Variants in AP3B1 observed in about 807,000 individuals in gnomAD.
AP3B1 encodes adaptor related protein complex 3 subunit beta 1.
AP3B1 carries 61 observed loss-of-function variants against 132.5 expected under a neutral mutation model. The ratio of observed to expected loss-of-function variants is 0.46; its 90% CI spans 0.37 to 0.57. The LOEUF is 0.57. AP3B1 is among the 20% of genes least tolerant of loss of function. The pLI is 0.00. For synonymous variants in AP3B1, 388 were observed against 438.3 expected (o/e 0.89, Z 1.43); for missense variants, 1,120 against 1,289.4 (o/e 0.87, Z 2.01).
At chr5:78,186,207 A>G (rs184997262) in intron 7 of AP3B1, among the ~76,000 whole-genome samples, 18 of 152,342 alleles carry the variant, frequency 1.2e-4, no homozygotes, top group African/African-American at 4.3e-4. Flanking sequence ...AAAAATACAT[A>G]GCATGCTAAT....
At chr5:78,254,145 G>A (rs376233129) in intron 2 of AP3B1, among the ~76,000 whole-genome samples, 2 of 151,628 alleles carry the variant, frequency 1.3e-5, no homozygotes, top group Non-Finnish European at 2.9e-5. Context: ...AGGCTCTTTG[G>A]AAATACACGG....
chr5:78,128,080 G>C lies in AP3B1; in HGVS notation c.1918C>G (p.Pro640Ala). 6.2e-7 allele frequency: 1 copy of C among 1,613,274 alleles called. No individual in the cohort carries two copies. The highest frequency in any genetic ancestry group is 8.5e-7 in the Non-Finnish European group (1 of 1,179,382). Residue 640 changes from proline to alanine, a missense_variant, in exon 17 of 27, where the codon CCA (proline) becomes GCA (alanine). Pro to Ala is a conservative substitution (Grantham distance 27). Around this residue, in one of 3 missense-constraint regions of AP3B1, gnomAD observed 906 missense variants for 997.1 expected, o/e 0.91. Transcript: ENST00000255194. ...ATGYLELSNW[P>A]EVAPDPSVRN... ...ACTGATGGGTCGGGCGCCACCTCTG[G>C]CCAATTAGATAATTCCAGGTACCCA... is the stretch of plus-strand genomic sequence containing the variant.
intron 22 of AP3B1, among the ~76,000 whole-genome samples, chr5:78,084,719 A>G (rs1368452208): frequency 1.3e-5 from 2 of 151,982 alleles, no homozygotes; most frequent in Non-Finnish European, 2.9e-5. Context: ...AAATATTTAA[A>G]AATATGCAGA....
Position 78,002,731 on chromosome 5 carries a change from G to C in AP3B1, c.*171C>G. 1.3e-6 allele frequency: 1 copy of C among 766,306 alleles called. No homozygotes were observed. 47.5% of individuals were successfully genotyped at this position (766,306 alleles called of 1,614,324 possible). ...GCAAAGCAAAAAGGGGGAAAGTATT[G>C]CATACATGATAGATACACACTAGCA... On this transcript the variant is annotated 3_prime_UTR_variant, in exon 27 of 27. Transcript: ENST00000255194.
At chr5:78,239,343 C>T (rs748470602) in intron 3 of AP3B1, among the ~76,000 whole-genome samples, 6 of 151,310 alleles carry the variant, frequency 4.0e-5, no homozygotes, top group Non-Finnish European at 7.4e-5. Flanking sequence ...TGGTGGCATG[C>T]ACCTGTAGTC....
chr5:78,115,129 T>G (rs891242364), intron 18 of AP3B1, among the ~76,000 whole-genome samples: 3 of 152,224 alleles, frequency 2.0e-5, no homozygotes, highest in African/African-American at 7.2e-5. Flanking sequence ...ATTTTAGATT[T>G]GTGGTAATAT....
At chr5:78,233,624 G>T (rs1051582217) in intron 3 of AP3B1, among the ~76,000 whole-genome samples, 4 of 152,164 alleles carry the variant, frequency 2.6e-5, no homozygotes, top group African/African-American at 2.4e-5. Flanking sequence ...AACTGCCTGC[G>T]ACAGCTTTTG....
In AP3B1 at chr5:78,085,237, G is replaced by A. The variant is rs75851436; in HGVS notation, c.2577+4156C>T. ...ATTGCATACCTCAGCAACAACAGAT[G>A]TTGGTTTTTGTAATTTTTGCTAATG... On this transcript the variant is annotated intron_variant, in intron 22 of 26. Transcript: ENST00000255194. 6.6e-3 allele frequency among the ~76,000 whole-genome samples: 1,011 copies of A among 152,284 alleles called. 10 individuals are homozygous for A. Among genetic ancestry groups the A allele is most frequent in the African/African-American group, 0.023 (954 of 41,562 alleles).
chr5:78,284,544 G>T (rs1749191617), intron 1 of AP3B1, among the ~76,000 whole-genome samples: 1 of 152,050 alleles, frequency 6.6e-6, no homozygotes, highest in Non-Finnish European at 1.5e-5. Context: ...AAATGAGCAG[G>T]CTCCATGCAT....
chr5:78,035,797 G>C (rs1437434498), intron 23 of AP3B1, among the ~76,000 whole-genome samples: 2 of 152,014 alleles, frequency 1.3e-5, no homozygotes, highest in African/African-American at 2.4e-5. Flanking sequence ...TAGAAGACTT[G>C]CTCCCTAAAT....
Position 78,267,543 on chromosome 5 carries a change from C to T in AP3B1, c.181G>A (p.Asp61Asn). 2 of 1,611,272 alleles carry T rather than the reference C, an allele frequency of 1.2e-6. No individual in the cohort carries two copies. Among genetic ancestry groups the T allele is most frequent in the Non-Finnish European group, 1.7e-6 (2 of 1,178,386 alleles). ...LESNKDSAKL[D>N]AMKRIVGMIA... Reference sequence around the variant, plus strand: ...ACCCCAACAATCCGCTTCATAGCATCCAGTTTAGCAGAATCTTTGTTGCTC... The same window carrying T: ...ACCCCAACAATCCGCTTCATAGCATTCAGTTTAGCAGAATCTTTGTTGCTC... The change falls in exon 2 of 27, where the codon GAT becomes AAT. Residue 61 changes from aspartate to asparagine, a missense_variant. By Grantham distance (23) the Asp-to-Asn change is conservative. Around this residue, in one of 3 missense-constraint regions of AP3B1, gnomAD observed 85 missense variants for 79.9 expected, o/e 1.06. Coordinates refer to ENST00000255194, the MANE Select transcript of AP3B1 (RefSeq NM_003664.5).
intron 15 of AP3B1, among the ~76,000 whole-genome samples, chr5:78,139,500 GAT>G (rs2112323396): frequency 6.6e-6 from 1 of 152,292 alleles, no homozygotes; most frequent in South Asian, 2.1e-4. Flanking sequence ...TCCTTTTAAA[GAT>G]GACTTAAAAT....
rs1309003047 is a variant in AP3B1, at chr5:78,002,547, A to T, written c.*355T>A. On this transcript the variant is annotated 3_prime_UTR_variant, in exon 27 of 27. Coordinates refer to ENST00000255194, the MANE Select transcript of AP3B1 (RefSeq NM_003664.5). Reference sequence around the variant, plus strand: ...CTAATTTTTGCTTACTGCTGTAGGGAAGAAGATTTCCAATGAACTTTAAAT... The same window carrying T: ...CTAATTTTTGCTTACTGCTGTAGGGTAGAAGATTTCCAATGAACTTTAAAT... 1.3e-5 allele frequency: 7 copies of T among 536,674 alleles called. No individual in the cohort carries two copies. The highest frequency in any genetic ancestry group is 2.3e-5 in the Non-Finnish European group (7 of 305,968). The allele number at this position is 536,674 out of a possible 1,614,324, so 33.2% of individuals were successfully genotyped here.
chr5:78,197,953 G>C (rs1429338009), intron 7 of AP3B1, among the ~76,000 whole-genome samples: 1 of 152,170 alleles, frequency 6.6e-6, no homozygotes, highest in Non-Finnish European at 1.5e-5. Context: ...GGTAAACAAA[G>C]CAGGTATTTA....
chr5:78,083,358 A>C (rs1750097183), intron 22 of AP3B1, among the ~76,000 whole-genome samples: 1 of 152,250 alleles, frequency 6.6e-6, no homozygotes, highest in Non-Finnish European at 1.5e-5. Context: ...ATACAAAGTA[A>C]TTTAAAGCAC....
At chr5:78,110,625 G>A (rs1170644957) in intron 19 of AP3B1, among the ~76,000 whole-genome samples, 1 of 151,392 alleles carries the variant, frequency 6.6e-6, no homozygotes, top group East Asian at 1.9e-4. Context: ...AGTACTACCA[G>A]TAACAACGTT....
intron 2 of AP3B1, among the ~76,000 whole-genome samples, chr5:78,247,293 T>C (rs963123879): frequency 6.7e-6 from 1 of 148,212 alleles, no homozygotes; most frequent in Non-Finnish European, 1.5e-5. Flanking sequence ...ATAATATAGA[T>C]AATAATATAG....
At chr5:78,183,461 T>C (rs1744454623) in intron 7 of AP3B1, among the ~76,000 whole-genome samples, 1 of 152,192 alleles carries the variant, frequency 6.6e-6, no homozygotes, top group African/African-American at 2.4e-5. Context: ...AATACCAAGA[T>C]AATAGAGATA....
chr5:78,253,232 T>C (rs541139970), intron 2 of AP3B1, among the ~76,000 whole-genome samples: 8 of 152,202 alleles, frequency 5.3e-5, no homozygotes, highest in Non-Finnish European at 1.2e-4. Context: ...CTTTCAAATA[T>C]CTGGAAAGAC....
Sources: allele counts gnomAD v4.1 joint callset (sites outside exome capture counted in the v4.1 genomes callset), GRCh38; gene constraint gnomAD v4.1.1; regional missense constraint gnomAD v4.1.1; transcripts MANE v1.5; gene names NCBI Gene and HGNC (gene_info 2026-07-23, HGNC 2026-07-21).